Variants in PHF6 observed in about 807,000 individuals in gnomAD.
PHF6 encodes the protein PHD-like zinc finger protein.
A neutral mutation model predicts 34.0 loss-of-function variants in PHF6; 7 were observed. That is an observed-to-expected ratio of 0.21 (90% CI 0.12 to 0.39). The LOEUF is 0.39. Among genes scored for constraint, PHF6 ranks in the 10% least tolerant of loss-of-function variants. The probability of loss-of-function intolerance (pLI) is 1.00; values close to 1 mark genes in which losing one functional copy is unlikely to be tolerated. For missense variants in PHF6, 128 were observed against 262.8 expected (o/e 0.49, Z 3.55); for synonymous variants, 89 against 88.4 (o/e 1.01, Z -0.04).
chrX:134,385,738 A>AT (rs948957062), intron 3 of PHF6, among the ~76,000 whole-genome samples: 1 of 111,112 alleles, frequency 9.0e-6, no homozygotes, highest in African/African-American at 3.3e-5. Flanking sequence ...GACGTTGGTT[A>AT]TTTTTTTTCC....
chrX:134,392,560 A>G (rs1040506767), intron 3 of PHF6, among the ~76,000 whole-genome samples: 2 of 112,215 alleles, frequency 1.8e-5, no homozygotes, highest in Non-Finnish European at 3.8e-5. Context: ...CTGTTCTTTT[A>G]TCTGTTTGCC....
At chrX:134,402,618 C>G (rs781349481) in intron 5 of PHF6, among the ~76,000 whole-genome samples, 2 of 111,625 alleles carry the variant, frequency 1.8e-5, no homozygotes, top group Admixed American at 9.6e-5. Flanking sequence ...AAAAATAATG[C>G]GTGTACAACT....
Position 134,393,947 on chromosome X carries a change from C to G in PHF6, c.413C>G (p.Ser138Cys), listed in dbSNP as rs1462917171. ...CRKHKKTAHNSEADLEESFNE... is the reference protein window; with the variant it reads ...CRKHKKTAHNCEADLEESFNE... ...AAACACAAGAAAACTGCACATAACT[C>G]CGAAGGTACATCATTTAGCCACGTT... The change falls in exon 5 of 11, where the codon TCC (serine) becomes TGC (cysteine). Residue 138 changes from serine to cysteine, a missense_variant. By Grantham distance (112) the Ser-to-Cys change is moderately radical. This residue lies in a region of PHF6 where 97 missense variants were observed against 152.9 expected (regional missense o/e 0.63). Coordinates refer to ENST00000370803, the MANE Select transcript of PHF6 (RefSeq NM_001015877.2). 1.6e-5 allele frequency: 19 copies of G among 1,210,202 alleles called. No individual in the cohort carries two copies. Among genetic ancestry groups the G allele is most frequent in the Non-Finnish European group, 2.0e-5 (18 of 894,541 alleles).
intron 5 of PHF6, among the ~76,000 whole-genome samples, chrX:134,403,015 A>G (rs1254480844): frequency 9.0e-6 from 1 of 111,634 alleles, no homozygotes; most frequent in Non-Finnish European, 1.9e-5. Flanking sequence ...GGGCTTCCCT[A>G]TTGTCTAAGA....
chrX:134,393,415 C>T lies in PHF6; in HGVS notation c.241-86C>T, dbSNP rs1477461771. ...ACTTTTCAATAACCAATTTGTTTTC[C>T]TTGACAGAAATTGATATGCCTCTAA... On this transcript the variant is annotated intron_variant, in intron 3 of 10. Coordinates refer to ENST00000370803, the MANE Select transcript of PHF6 (RefSeq NM_001015877.2). 5 of 1,021,758 alleles carry T rather than the reference C, an allele frequency of 4.9e-6. No individual in the cohort carries two copies. The African/African-American group carries it at 9.6e-5, about 20-fold the overall frequency. The allele number at this position is 1,021,758 out of a possible 1,213,427, so 84.2% of individuals were successfully genotyped here.
At chrX:134,402,123 G>A (rs1171832189) in intron 5 of PHF6, among the ~76,000 whole-genome samples, 1 of 111,342 alleles carries the variant, frequency 9.0e-6, no homozygotes, top group Non-Finnish European at 1.9e-5. Flanking sequence ...AGCCTCCCGA[G>A]TAGCTGGGAT....
At chrX:134,393,748 T>G in intron 4 of PHF6, 114 bp downstream of exon 4, 2 of 846,104 alleles carry the variant, frequency 2.4e-6, no homozygotes, top group Non-Finnish European at 1.7e-6. Context: ...AGGGTGTTTT[T>G]GATAAGAAAT....
At chrX:134,392,869 G>T (rs2077361059) in intron 3 of PHF6, among the ~76,000 whole-genome samples, 1 of 109,104 alleles carries the variant, frequency 9.2e-6, no homozygotes, top group Admixed American at 9.8e-5. Flanking sequence ...GCACGATCTT[G>T]GCTCACTGCA....
At chrX:134,390,503 A>G (rs1382842683) in intron 3 of PHF6, among the ~76,000 whole-genome samples, 1 of 112,450 alleles carries the variant, frequency 8.9e-6, no homozygotes, top group Non-Finnish European at 1.9e-5. Context: ...GCTTAAAACC[A>G]GTTACTTTGG....
At chrX:134,406,110 C>CTTTCTTTCTTTCT (rs1556017668) in intron 5 of PHF6, among the ~76,000 whole-genome samples, 23 of 77,000 alleles carry the variant, frequency 3.0e-4, no homozygotes, top group Admixed American at 8.4e-4. Context: ...TTCTTTCTTT[C>CTTTCTTTCTTTCT]TTTTTTTTTT....
In PHF6 at chrX:134,415,998, C is replaced by T. The variant is rs1027877362; in HGVS notation, c.834+878C>T. Among the ~76,000 whole-genome samples the T allele has an allele frequency of 2.7e-5, 3 of 110,172 alleles. No individual in the cohort carries two copies. In the Admixed American group the frequency reaches 2.9e-4, roughly 11 times the overall value. On this transcript the variant is annotated intron_variant, in intron 8 of 10. Transcript: ENST00000370803. ...TTTTTGAGACAGAGTCTCACTCTGTCGCCCAGGCTGGGGTGCAGTGGTGCG... is the reference window on the plus strand; with the variant it reads ...TTTTTGAGACAGAGTCTCACTCTGTTGCCCAGGCTGGGGTGCAGTGGTGCG...
chrX:134,373,507 C>T (rs2077265997), intron 1 of PHF6, 40 bp downstream of exon 1: 1 of 112,007 alleles, frequency 8.9e-6, no homozygotes, highest in Non-Finnish European at 1.9e-5. Flanking sequence ...CATTCTCTCC[C>T]CGGCGGGAGA....
Position 134,413,758 on chromosome X carries a change from C to T in PHF6, c.586-65C>T. 3.1e-5 allele frequency: 37 copies of T among 1,195,646 alleles called. No homozygotes were observed. In the South Asian group the frequency reaches 6.5e-4, roughly 21 times the overall value. ...TTCATCATTTGAAATGTTAAGTAAG[C>T]TTGAAATACCGATAGCATATTTTCA... is the stretch of plus-strand genomic sequence containing the variant. On this transcript the variant is annotated intron_variant, in intron 6 of 10. Transcript: ENST00000370803.
chrX:134,415,693 T>A (rs1283837739), intron 8 of PHF6, among the ~76,000 whole-genome samples: 1 of 111,848 alleles, frequency 8.9e-6, no homozygotes, highest in Non-Finnish European at 1.9e-5. Flanking sequence ...AATTTTTAAA[T>A]TTTTTTGTTG....
chrX:134,428,075 C>T lies in PHF6; in HGVS notation c.*2415C>T, dbSNP rs41300309. Reference sequence around the variant, plus strand: ...AATACTGCCGTTACTGTCTTTTATGCATATTTTAGCCTGAAATTTTGAAGC... The same window carrying T: ...AATACTGCCGTTACTGTCTTTTATGTATATTTTAGCCTGAAATTTTGAAGC... On this transcript the variant is annotated 3_prime_UTR_variant, in exon 11 of 11. Transcript: ENST00000370803. 6.0e-3 allele frequency: 926 copies of T among 154,921 alleles called. 4 individuals carry two copies. The highest frequency in any genetic ancestry group is 9.6e-3 in the Non-Finnish European group (764 of 79,366). 12.8% of individuals were successfully genotyped at this position (154,921 alleles called of 1,213,427 possible).
chrX:134,409,017 T>G (rs1373964548), intron 5 of PHF6, among the ~76,000 whole-genome samples: 1 of 112,028 alleles, frequency 8.9e-6, no homozygotes, highest in Non-Finnish European at 1.9e-5. Flanking sequence ...CCGGCCCCAA[T>G]TTATTTCTTT....
intron 5 of PHF6, among the ~76,000 whole-genome samples, chrX:134,406,098 CTTTCTTTCTTTCTTT>C (rs2077423123): frequency 1.0e-5 from 1 of 96,971 alleles, no homozygotes; most frequent in Non-Finnish European, 2.1e-5. Flanking sequence ...TTCTTTCTTT[CTTTCTTTCTTTCTTT>C]TTTTTTTTAC....
intron 6 of PHF6, 58 bp downstream of exon 6, chrX:134,413,715 A>G (rs752275602): frequency 1.3e-5 from 16 of 1,187,410 alleles, no homozygotes; most frequent in Non-Finnish European, 1.8e-5. Flanking sequence ...ATTTCATTTA[A>G]ACTATCTATA....
intron 3 of PHF6, among the ~76,000 whole-genome samples, chrX:134,378,601 A>G (rs954323251): frequency 1.8e-5 from 2 of 112,320 alleles, no homozygotes; most frequent in African/African-American, 6.5e-5. Flanking sequence ...ACTTTCAGTG[A>G]ATTTCACAGG....
Sources: gnomAD v4.1 joint callset for allele counts (sites outside exome capture counted in the v4.1 genomes callset) on GRCh38, gnomAD v4.1.1 for gene constraint, gnomAD v4.1.1 regional missense constraint, MANE v1.5 for transcripts, NCBI Gene and HGNC (gene_info 2026-07-23, HGNC 2026-07-21) for gene names.